Variants in ARL6IP1 observed in about 807,000 individuals in gnomAD.
The protein encoded by ARL6IP1 is ADP-ribosylation factor-like protein 6-interacting protein 1.
ARL6IP1 carries 16 observed loss-of-function variants against 30.1 expected under a neutral mutation model. The ratio of observed to expected loss-of-function variants is 0.53; its 90% CI spans 0.36 to 0.81. The LOEUF is 0.81. Among genes scored for constraint, ARL6IP1 ranks in the 30% least tolerant of loss-of-function variants. The probability of loss-of-function intolerance (pLI) is 0.01; values close to 1 mark genes in which losing one functional copy is unlikely to be tolerated. For missense variants in ARL6IP1, 173 were observed against 242.7 expected (o/e 0.71, Z 1.91); for synonymous variants, 72 against 84.8 (o/e 0.85, Z 0.83).
chr16:18,795,812 C>T (rs1371379869), intron 3 of ARL6IP1, among the ~76,000 whole-genome samples: 4 of 149,260 alleles, frequency 2.7e-5, no homozygotes, highest in South Asian at 2.1e-4. Flanking sequence ...TGTGTGTGTG[C>T]GTGTGATAAA....
chr16:18,797,969 G>A lies in ARL6IP1; in HGVS notation c.246C>T (p.Tyr82=). The change falls in exon 3 of 6, where the codon TAC becomes TAT. Residue 82 remains tyrosine (Y), a synonymous_variant. Coordinates refer to ENST00000304414, the MANE Select transcript of ARL6IP1 (RefSeq NM_015161.3). ...CFVMFLCLAD[Y]LVPILAPRIF... ...TTCTAGGCGCTAGAATGGGAACAAG[G>A]TAGTCAGCCAAGCACAAAAACATAA... 3.1e-6 allele frequency: 5 copies of A among 1,613,868 alleles called. No homozygotes were observed. Among genetic ancestry groups the A allele is most frequent in the Non-Finnish European group, 4.2e-6 (5 of 1,179,918 alleles).
chr16:18,797,701 TA>T, intron 3 of ARL6IP1: 1 of 409,512 alleles, frequency 2.4e-6, no homozygotes, highest in Non-Finnish European at 4.3e-6. Flanking sequence ...AATGGAAATG[TA>T]AAAATGTATA....
intron 4 of ARL6IP1, 44 bp downstream of exon 4, chr16:18,795,420 A>G (rs1374625794): frequency 1.4e-6 from 2 of 1,416,252 alleles, no homozygotes; most frequent in African/African-American, 1.4e-5. Context: ...AATTGACTCA[A>G]ATCTTAAAAT....
chr16:18,798,076 C>G (rs958495775), intron 2 of ARL6IP1, 32 bp from the exon 3 acceptor site: 2 of 1,546,970 alleles, frequency 1.3e-6, no homozygotes, highest in Admixed American at 2.0e-5. Flanking sequence ...GTTAGAAAAA[C>G]ATAGTCATTA....
intron 3 of ARL6IP1, 36 bp from the exon 4 acceptor site, chr16:18,795,617 C>T (rs563057667): frequency 6.9e-5 from 100 of 1,450,514 alleles, no homozygotes; most frequent in Middle Eastern, 3.5e-4. Context: ...ATAAACAAAT[C>T]GTTACAGTAG....
chr16:18,795,285 T>C, intron 4 of ARL6IP1, 179 bp downstream of exon 4: 2 of 471,152 alleles, frequency 4.2e-6, no homozygotes, highest in Non-Finnish European at 7.5e-6. Flanking sequence ...AAAAATTAAA[T>C]GCAAAAATGT....
intron 5 of ARL6IP1, among the ~76,000 whole-genome samples, chr16:18,793,928 G>A (rs188492400): frequency 2.0e-5 from 3 of 152,146 alleles, no homozygotes; most frequent in Non-Finnish European, 4.4e-5. Context: ...TTGGCCAGGC[G>A]GTCTCCAACT....
intron 3 of ARL6IP1, among the ~76,000 whole-genome samples, chr16:18,795,980 CACCGAACAACTGTA>C (rs1462003672): frequency 6.6e-6 from 1 of 152,186 alleles, no homozygotes; most frequent in African/African-American, 2.4e-5. Context: ...ACCAGAATCC[CACCGAACAACTGTA>C]TTTGAACACT....
Position 18,798,719 on chromosome 16 carries a change from A to T in ARL6IP1, c.152T>A (p.Val51Glu). Residue 51 changes from valine (V) to glutamate (E), a missense_variant, in exon 2 of 6, where the codon GTG (valine) becomes GAG (glutamate). Transcript: ENST00000304414. ...RAWFPPAIMG[V>E]VSLVFLIIYY... ...CACTTACAGAAACACCAAAGAAACC[A>T]CACCCATGATGGCAGGTGGAAACCA... 1 of 1,614,200 alleles carries T rather than the reference A, an allele frequency of 6.2e-7. No homozygotes were observed. The highest frequency in any genetic ancestry group is 8.5e-7 in the Non-Finnish European group (1 of 1,180,028).
chr16:18,794,276 G>A (rs2030163578), intron 5 of ARL6IP1, among the ~76,000 whole-genome samples: 1 of 152,106 alleles, frequency 6.6e-6, no homozygotes, highest in Non-Finnish European at 1.5e-5. Context: ...AAGAAGGCAG[G>A]TTCCTACATT....
At chr16:18,794,539 G>A (rs777550619) in intron 5 of ARL6IP1, 60 bp downstream of exon 5, 59 of 1,264,408 alleles carry the variant, frequency 4.7e-5, no homozygotes, top group African/African-American at 2.8e-4. Flanking sequence ...GTTTACTGAC[G>A]AAGTTACAGT....
chr16:18,798,984 A>G, intron 1 of ARL6IP1, 150 bp from the exon 2 acceptor site: 2 of 842,876 alleles, frequency 2.4e-6, no homozygotes, highest in Non-Finnish European at 3.5e-6. Context: ...GAAAAACTGC[A>G]ATTTCAAAGA....
chr16:18,801,212 TCA>T (rs1427302656), intron 1 of ARL6IP1: 7 of 1,412,676 alleles, frequency 5.0e-6, no homozygotes, highest in Non-Finnish European at 5.5e-6. Context: ...CGGTGATGAA[TCA>T]CGCGCCCTCC....
rs747482366 is a variant in ARL6IP1, at chr16:18,795,590, G to T, written c.291-9C>A. On this transcript the variant is annotated splice_polypyrimidine_tract_variant and intron_variant, in intron 3 of 5. Coordinates refer to ENST00000304414, the MANE Select transcript of ARL6IP1 (RefSeq NM_015161.3). ...GCTGTTGTTCAGTGGTCCTAGAAAAGAAATTTGCCTTTTGCTATAAACAAA... is the reference window on the plus strand; with the variant it reads ...GCTGTTGTTCAGTGGTCCTAGAAAATAAATTTGCCTTTTGCTATAAACAAA... 1 of 1,606,296 alleles carries T rather than the reference G, an allele frequency of 6.2e-7. No individual in the cohort carries two copies. The highest frequency in any genetic ancestry group is 8.5e-7 in the Non-Finnish European group (1 of 1,175,576).
rs2030109263 is a variant in ARL6IP1, at chr16:18,793,054, G to A, written c.*198C>T. ...AGTTGTCCATGAAGCCAACTGCTAA[G>A]AACGCGCTCAACTATACGCGACATG... is the stretch of plus-strand genomic sequence containing the variant. On this transcript the variant is annotated 3_prime_UTR_variant, in exon 6 of 6. Coordinates refer to ENST00000304414, the MANE Select transcript of ARL6IP1 (RefSeq NM_015161.3). 1 of 437,510 alleles carries A rather than the reference G, an allele frequency of 2.3e-6. No individual in the cohort carries two copies. Among genetic ancestry groups the A allele is most frequent in the African/African-American group, 2.0e-5 (1 of 48,892 alleles). The allele number at this position is 437,510 out of a possible 1,614,324, so 27.1% of individuals were successfully genotyped here. A position where few individuals can be genotyped will look rare whatever the true frequency, so the allele number is the denominator to read the frequency against.
chr16:18,797,819 T>G, intron 3 of ARL6IP1, 106 bp downstream of exon 3: 1 of 1,358,710 alleles, frequency 7.4e-7, no homozygotes, highest in Non-Finnish European at 1.0e-6. Flanking sequence ...TGCTTAGGTG[T>G]CTGATGGTTA....
In ARL6IP1 at chr16:18,797,984, C is replaced by G; in HGVS notation, c.231G>C (p.Leu77Phe). The G allele has an allele frequency of 6.2e-7, 1 of 1,613,646 alleles. No homozygotes were observed. Among genetic ancestry groups the G allele is most frequent in the Non-Finnish European group, 8.5e-7 (1 of 1,179,824 alleles). Residue 77 changes from leucine to phenylalanine, a missense_variant, in exon 3 of 6, where the codon TTG becomes TTC. By Grantham distance (22) the Leu-to-Phe change is conservative. Coordinates refer to ENST00000304414, the MANE Select transcript of ARL6IP1 (RefSeq NM_015161.3). The stretch of plus-strand genomic sequence containing the variant: ...TGGGAACAAGGTAGTCAGCCAAGCA[C>G]AAAAACATAACAAAACAGGAAACGC... Reference protein sequence around the residue: ...LSGVSCFVMFLCLADYLVPIL... With the variant: ...LSGVSCFVMFFCLADYLVPIL...
At chr16:18,796,631 ACT>A (rs1315645375) in intron 3 of ARL6IP1, among the ~76,000 whole-genome samples, 1 of 152,202 alleles carries the variant, frequency 6.6e-6, no homozygotes, top group Non-Finnish European at 1.5e-5. Flanking sequence ...TCCTTTGCTA[ACT>A]CTGTTATACT....
At chr16:18,801,256 T>C in intron 1 of ARL6IP1, 175 bp downstream of exon 1, 2 of 1,433,938 alleles carry the variant, frequency 1.4e-6, no homozygotes, top group Non-Finnish European at 1.8e-6. Context: ...CCAGGAAAGG[T>C]AAGGGTTCGA....
Sources: gnomAD v4.1 joint callset for allele counts (sites outside exome capture counted in the v4.1 genomes callset) on GRCh38, gnomAD v4.1.1 for gene constraint, MANE v1.5 for transcripts, NCBI Gene and HGNC (gene_info 2026-07-23, HGNC 2026-07-21) for gene names.